COL5A2: variants seen among roughly 807,000 people sequenced by gnomAD.
The protein encoded by COL5A2 is collagen type V alpha 2 chain.
In COL5A2, 23 loss-of-function variants were observed where a neutral mutation model predicts 208.2. The ratio of observed to expected loss-of-function variants is 0.11; its 90% CI spans 0.08 to 0.16. The LOEUF is 0.16. Ranked by LOEUF, COL5A2 falls within the 10% of genes least tolerant of loss-of-function variation. The probability of loss-of-function intolerance (pLI) is 1.00; values close to 1 mark genes in which losing one functional copy is unlikely to be tolerated. For synonymous variants in COL5A2, 625 were observed against 628.5 expected, an observed-to-expected ratio of 0.99 and a Z score of 0.08; for missense variants, 1,590 against 1,956.4, an observed-to-expected ratio of 0.81 and a Z score of 3.53.
chr2:189,270,293 C>T, the COL5A2 span, among the ~76,000 whole-genome samples: 18 of 152,180 alleles, frequency 1.2e-4, no homozygotes, highest in African/African-American at 4.1e-4. Context: ...AATTTGTTTG[C>T]TCCTGCTTCT....
chr2:189,067,681 G>A (rs1294592171), intron 21 of COL5A2, among the ~76,000 whole-genome samples: 1 of 151,966 alleles, frequency 6.6e-6, no homozygotes, highest in African/African-American at 2.4e-5. Flanking sequence ...TCCTATTGAA[G>A]CTCCATATTC....
chr2:189,052,848 C>T, intron 39 of COL5A2, 46 bp from the exon 40 acceptor site: 3 of 1,611,854 alleles, frequency 1.9e-6, no homozygotes, highest in Non-Finnish European at 2.5e-6. Flanking sequence ...GCAAAAGAGG[C>T]TGAATGTACA....
chr2:189,090,113 C>T (rs1185206797), intron 7 of COL5A2, among the ~76,000 whole-genome samples: 1 of 152,090 alleles, frequency 6.6e-6, no homozygotes, highest in African/African-American at 2.4e-5. Context: ...CTTATGAATG[C>T]AAAGGAAAAG....
chr2:189,351,627 T>G, the COL5A2 span, among the ~76,000 whole-genome samples: 2 of 152,138 alleles, frequency 1.3e-5, no homozygotes, highest in East Asian at 3.9e-4. Context: ...TTTGCTGCTA[T>G]GTGCAAGTAT....
chr2:189,413,594 C>T, the COL5A2 span, among the ~76,000 whole-genome samples: 2 of 151,932 alleles, frequency 1.3e-5, no homozygotes, highest in South Asian at 2.1e-4. Context: ...TCATTAGAAC[C>T]TTTCACAGCG....
At chr2:189,308,031 C>A in the COL5A2 span, among the ~76,000 whole-genome samples, 975 of 152,250 alleles carry the variant, frequency 6.4e-3, 11 homozygotes, top group African/African-American at 0.022. Flanking sequence ...ACCCTGAATT[C>A]TTTCTTGTGT....
intron 1 of COL5A2, among the ~76,000 whole-genome samples, chr2:189,136,688 C>A (rs958153021): frequency 1.3e-5 from 2 of 151,462 alleles, no homozygotes; most frequent in African/African-American, 4.8e-5. Context: ...TCTTTCTATA[C>A]TTTTTAATGT....
Position 189,052,826 on chromosome 2 carries a change from C to A in COL5A2, c.2662-24G>T, listed in dbSNP as rs765851497. ...CCCTGAATAGAAACAAACAAAAGAG[C>A]ACTATAGTGAAGCAAAAGAGGCTGA... On this transcript the variant is annotated intron_variant, in intron 39 of 53. Transcript: ENST00000374866. 1.9e-6 allele frequency: 3 copies of A among 1,613,736 alleles called. No individual in the cohort carries two copies. The African/African-American group carries it at 4.0e-5, about 22-fold the overall frequency.
At chr2:189,262,610 G>T in the COL5A2 span, among the ~76,000 whole-genome samples, 20 of 151,822 alleles carry the variant, frequency 1.3e-4, no homozygotes, top group Admixed American at 6.6e-5. Flanking sequence ...TAACATTCTT[G>T]TACTATCATG....
At chr2:189,434,208 C>A in the COL5A2 span, among the ~76,000 whole-genome samples, 2 of 152,122 alleles carry the variant, frequency 1.3e-5, no homozygotes, top group African/African-American at 4.8e-5. Flanking sequence ...TTATGACAAA[C>A]CCACAGCGAA....
the COL5A2 span, among the ~76,000 whole-genome samples, chr2:189,403,894 A>G: frequency 4.0e-5 from 6 of 151,768 alleles, no homozygotes; most frequent in Non-Finnish European, 7.4e-5. Flanking sequence ...CACCATGCCC[A>G]GTTAATTTTT....
the COL5A2 span, among the ~76,000 whole-genome samples, chr2:189,324,696 G>A: frequency 3.6e-4 from 55 of 152,310 alleles, no homozygotes; most frequent in African/African-American, 1.2e-3. Context: ...TGGAGAAATA[G>A]GAACACTTTT....
chr2:189,316,719 C>T, the COL5A2 span, among the ~76,000 whole-genome samples: 4 of 150,554 alleles, frequency 2.7e-5, no homozygotes, highest in East Asian at 7.8e-4. Flanking sequence ...AACAAACCTG[C>T]ACTTGTACCC....
At chr2:189,223,852 C>T (rs1021888813) in intron 1 of COL5A2, among the ~76,000 whole-genome samples, 17 of 152,246 alleles carry the variant, frequency 1.1e-4, no homozygotes, top group African/African-American at 4.1e-4. Flanking sequence ...ATTCTGTTTA[C>T]TTACCTGTGC....
At chr2:189,190,856 A>G (rs1452859144) in intron 1 of COL5A2, among the ~76,000 whole-genome samples, 1 of 152,212 alleles carries the variant, frequency 6.6e-6, no homozygotes, top group Non-Finnish European at 1.5e-5. Flanking sequence ...TGTTAGAGAG[A>G]TTACTTTGAG....
chr2:189,033,722 T>A lies in COL5A2; in HGVS notation c.*348A>T, dbSNP rs988964703. On this transcript the variant is annotated 3_prime_UTR_variant, in exon 54 of 54. Transcript: ENST00000374866. Reference sequence around the variant, plus strand: ...CTACCTGCCAGGAAGAAGAATTTCCTCATAAATACTAAGCAACTTTTTCAT... The same window carrying A: ...CTACCTGCCAGGAAGAAGAATTTCCACATAAATACTAAGCAACTTTTTCAT... 5 of 298,520 alleles carry A rather than the reference T, an allele frequency of 1.7e-5. No homozygotes were observed. Among genetic ancestry groups the A allele is most frequent in the African/African-American group, 1.1e-4 (5 of 46,236 alleles). 18.5% of individuals were successfully genotyped at this position (298,520 alleles called of 1,614,324 possible).
chr2:189,276,404 C>A, the COL5A2 span, among the ~76,000 whole-genome samples: 1 of 152,100 alleles, frequency 6.6e-6, no homozygotes, highest in East Asian at 1.9e-4. Context: ...ATGTCTTAGA[C>A]CCTGTTGCTC....
At chr2:189,062,217 T>A (rs1193141918) in intron 29 of COL5A2, among the ~76,000 whole-genome samples, 1 of 150,574 alleles carries the variant, frequency 6.6e-6, no homozygotes, top group Non-Finnish European at 1.5e-5. Flanking sequence ...GGAGTCTTGC[T>A]CTGCCACCCA....
the COL5A2 span, among the ~76,000 whole-genome samples, chr2:189,410,437 A>C: frequency 7.2e-5 from 11 of 152,164 alleles, no homozygotes; most frequent in South Asian, 2.1e-3. Context: ...ATGGTGGTGC[A>C]TACCTGCAGT....
Sources: gnomAD v4.1 joint callset for allele counts (sites outside exome capture counted in the v4.1 genomes callset) on GRCh38, gnomAD v4.1.1 for gene constraint, MANE v1.5 for transcripts, NCBI Gene and HGNC (gene_info 2026-07-23, HGNC 2026-07-21) for gene names.